LRRTM4: variants seen among roughly 807,000 people sequenced by gnomAD.
LRRTM4 encodes leucine-rich repeat transmembrane neuronal protein 4.
A neutral mutation model predicts 47.6 loss-of-function variants in LRRTM4; 25 were observed. That is an observed-to-expected ratio of 0.53 (90% CI 0.38 to 0.73). The LOEUF (loss-of-function observed/expected upper bound fraction) is 0.73, where lower values mean the gene tolerates loss of function less well. LRRTM4 is among the 30% of genes least tolerant of loss of function. The pLI is 0.00. For missense variants in LRRTM4, 638 were observed against 713.4 expected (o/e 0.89, Z 1.20); for synonymous variants, 311 against 269.5 (o/e 1.15, Z -1.51).
At chr2:77,225,427 A>T (rs1674778205) in intron 3 of LRRTM4, among the ~76,000 whole-genome samples, 1 of 151,812 alleles carries the variant, frequency 6.6e-6, no homozygotes, top group Non-Finnish European at 1.5e-5. Flanking sequence ...ATTGTGAGAA[A>T]AAAAAAAAAC....
At chr2:76,753,240 C>A (rs1174546025) in intron 3 of LRRTM4, among the ~76,000 whole-genome samples, 1 of 152,122 alleles carries the variant, frequency 6.6e-6, no homozygotes, top group Non-Finnish European at 1.5e-5. Flanking sequence ...ATAATGACAA[C>A]TCATTGACCT....
intron 3 of LRRTM4, among the ~76,000 whole-genome samples, chr2:77,380,624 C>T (rs1032804701): frequency 2.0e-5 from 3 of 151,784 alleles, no homozygotes; most frequent in East Asian, 1.9e-4. Flanking sequence ...GGTGAAACCC[C>T]GTCTGTACTA....
chr2:76,904,622 C>T (rs571655937), intron 3 of LRRTM4, among the ~76,000 whole-genome samples: 1 of 152,104 alleles, frequency 6.6e-6, no homozygotes, highest in Admixed American at 6.5e-5. Context: ...TTTTATATAA[C>T]TGAGCAGTGA....
chr2:76,798,129 C>G (rs924386807), intron 3 of LRRTM4, among the ~76,000 whole-genome samples: 2 of 152,014 alleles, frequency 1.3e-5, no homozygotes, highest in Non-Finnish European at 2.9e-5. Context: ...CTCTCCACAC[C>G]AAATCAACAC....
At chr2:77,052,440 A>T (rs975263037) in intron 3 of LRRTM4, among the ~76,000 whole-genome samples, 1 of 151,970 alleles carries the variant, frequency 6.6e-6, no homozygotes, top group Non-Finnish European at 1.5e-5. Context: ...AAGTGCTGGG[A>T]TTACAGGTGT....
In LRRTM4 at chr2:76,747,932, G is replaced by T. The variant is rs1376077453; in HGVS notation, c.*763C>A. On this transcript the variant is annotated 3_prime_UTR_variant, in exon 4 of 4. Transcript: ENST00000409884. ...GTCTTCTCATTCGGAGATCTTCATG[G>T]CTCTCTCAGGCATCCTACACAGTGA... is the stretch of plus-strand genomic sequence containing the variant. 6.6e-6 allele frequency: 1 copy of T among 152,062 alleles called. No homozygotes were observed. Among genetic ancestry groups the T allele is most frequent in the Non-Finnish European group, 1.5e-5 (1 of 68,028 alleles). 9.4% of individuals were successfully genotyped at this position (152,062 alleles called of 1,614,324 possible). A position where few individuals can be genotyped will look rare whatever the true frequency, so the allele number is the denominator to read the frequency against.
At chr2:77,206,178 TA>T (rs1457470521) in intron 3 of LRRTM4, among the ~76,000 whole-genome samples, 1,432 of 118,890 alleles carry the variant, frequency 0.012, 15 homozygotes, top group African/African-American at 0.037. Flanking sequence ...TTCAAAATTC[TA>T]TTTTTTTTTT....
intron 3 of LRRTM4, among the ~76,000 whole-genome samples, chr2:77,252,399 G>A (rs1008569643): frequency 4.6e-5 from 7 of 152,182 alleles, no homozygotes; most frequent in Middle Eastern, 3.4e-3. Flanking sequence ...TAACCTCTGC[G>A]GGAACAGGAG....
intron 3 of LRRTM4, among the ~76,000 whole-genome samples, chr2:76,840,195 A>G (rs1202044624): frequency 6.6e-6 from 1 of 152,204 alleles, no homozygotes; most frequent in Non-Finnish European, 1.5e-5. Context: ...TATTTTAGTG[A>G]AATGCATAAT....
chr2:77,494,739 C>T (rs906157265), intron 3 of LRRTM4, among the ~76,000 whole-genome samples: 5 of 152,068 alleles, frequency 3.3e-5, no homozygotes, highest in African/African-American at 7.2e-5. Context: ...TTAACACACT[C>T]GAAATCGAGA....
chr2:77,242,607 A>G (rs940589453), intron 3 of LRRTM4, among the ~76,000 whole-genome samples: 7 of 152,150 alleles, frequency 4.6e-5, no homozygotes, highest in African/African-American at 1.7e-4. Flanking sequence ...CAAAACCACA[A>G]TGAGACACTA....
rs139303347 is a variant in LRRTM4 at position 77,139,695 on chromosome 2, T to C, written c.1551+378623A>G. On this transcript the variant is annotated intron_variant, in intron 3 of 3. Coordinates refer to ENST00000409884, the MANE Select transcript of LRRTM4 (RefSeq NM_001134745.3). ...GAGGAAGTCAAATTGTCCCTGTTTG[T>C]AGATGATATGATTATATATTTAGAA... Among the ~76,000 whole-genome samples the C allele has an allele frequency of 8.5e-3, 1,292 of 152,228 alleles. 19 individuals carry two copies. Among genetic ancestry groups the C allele is most frequent in the Middle Eastern group, 0.037 (11 of 294 alleles).
At chr2:77,278,574 G>A (rs575175257) in intron 3 of LRRTM4, among the ~76,000 whole-genome samples, 1 of 151,804 alleles carries the variant, frequency 6.6e-6, no homozygotes, top group Admixed American at 6.6e-5. Context: ...TTCCCCAAAA[G>A]GTATATAGGA....
At chr2:77,225,249 A>T (rs1254875105) in intron 3 of LRRTM4, among the ~76,000 whole-genome samples, 2 of 150,414 alleles carry the variant, frequency 1.3e-5, no homozygotes, top group East Asian at 2.0e-4. Flanking sequence ...GCATTAGGAG[A>T]TATACCTAAT....
chr2:76,988,375 G>A (rs1178337912), intron 3 of LRRTM4, among the ~76,000 whole-genome samples: 1 of 151,764 alleles, frequency 6.6e-6, no homozygotes, highest in East Asian at 1.9e-4. Context: ...CTAAATCGGG[G>A]CATTGAGGTG....
chr2:77,033,660 T>C (rs1333179918), intron 3 of LRRTM4, among the ~76,000 whole-genome samples: 3 of 151,974 alleles, frequency 2.0e-5, no homozygotes, highest in Non-Finnish European at 4.4e-5. Flanking sequence ...AGGGTGATAA[T>C]AATCTATGCT....
intron 3 of LRRTM4, among the ~76,000 whole-genome samples, chr2:76,760,442 GGTGGTT>G (rs1339907710): frequency 3.3e-5 from 5 of 152,162 alleles, no homozygotes; most frequent in Non-Finnish European, 7.4e-5. Context: ...ATGACTATCA[GGTGGTT>G]TCTGAGCCAA....
intron 3 of LRRTM4, among the ~76,000 whole-genome samples, chr2:77,042,132 T>C (rs569133020): frequency 1.3e-5 from 2 of 151,678 alleles, no homozygotes; most frequent in East Asian, 3.9e-4. Flanking sequence ...TTTTAGATAA[T>C]AGTATTATAT....
At chr2:76,861,456 C>G (rs1672310232) in intron 3 of LRRTM4, among the ~76,000 whole-genome samples, 1 of 152,088 alleles carries the variant, frequency 6.6e-6, no homozygotes, top group East Asian at 1.9e-4. Flanking sequence ...TCAAAATCAT[C>G]TGGTTAATTC....
Sources: gnomAD v4.1 joint callset for allele counts (sites outside exome capture counted in the v4.1 genomes callset) on GRCh38, gnomAD v4.1.1 for gene constraint, MANE v1.5 for transcripts, NCBI Gene and HGNC (gene_info 2026-07-23, HGNC 2026-07-21) for gene names.